Variants in TCF12 observed in about 807,000 individuals in gnomAD.
TCF12 encodes the protein DNA-binding protein HTF4.
In TCF12, 45 loss-of-function variants were observed where a neutral mutation model predicts 86.0. The ratio of observed to expected loss-of-function variants is 0.52; its 90% CI spans 0.41 to 0.67. The LOEUF (loss-of-function observed/expected upper bound fraction) is 0.67, where lower values mean the gene tolerates loss of function less well. Ranked by LOEUF, TCF12 falls within the 30% of genes least tolerant of loss-of-function variation. The pLI, the probability that TCF12 is intolerant of heterozygous loss-of-function variation, is 0.00. For synonymous variants in TCF12, 330 were observed against 299.6 expected, an observed-to-expected ratio of 1.10 and a Z score of -1.05; for missense variants, 881 against 859.9, an observed-to-expected ratio of 1.02 and a Z score of -0.31.
downstream of TCF12, chr15:57,289,897 G>A (rs1432336375): frequency 6.6e-6 from 1 of 152,030 alleles, no homozygotes; most frequent in Non-Finnish European, 1.5e-5. Flanking sequence ...AGAGGTAAAT[G>A]GTAAAATAAA....
chr15:56,939,223 A>G (rs1195601144), intron 3 of TCF12, among the ~76,000 whole-genome samples: 2 of 152,238 alleles, frequency 1.3e-5, no homozygotes, highest in Non-Finnish European at 2.9e-5. Context: ...TACATTGTAT[A>G]CAAATGTATA....
intron 4 of TCF12, among the ~76,000 whole-genome samples, chr15:57,067,218 G>C (rs560821110): frequency 1.2e-4 from 18 of 152,294 alleles, no homozygotes; most frequent in African/African-American, 4.3e-4. Context: ...GGTTTCGCTA[G>C]GTTGACATAA....
rs535580818 is a variant in TCF12, at chr15:57,090,792, C to A, written c.223-997C>A. Reference sequence around the variant, plus strand: ...TCGTATACGTTTTTCCGGTCTTTACCATGTTGGTTTTAGATTGGCAGAGAT... The same window carrying A: ...TCGTATACGTTTTTCCGGTCTTTACAATGTTGGTTTTAGATTGGCAGAGAT... On this transcript the variant is annotated intron_variant, in intron 4 of 20. Coordinates refer to ENST00000333725, the MANE Select transcript of TCF12 (RefSeq NM_207037.2). Among the ~76,000 whole-genome samples, 5 of 152,052 alleles carry A rather than the reference C, an allele frequency of 3.3e-5. No individual in the cohort carries two copies. In the South Asian group the frequency reaches 1.0e-3, roughly 32 times the overall value.
chr15:57,064,548 A>G (rs1409527124), intron 4 of TCF12, among the ~76,000 whole-genome samples: 1 of 152,156 alleles, frequency 6.6e-6, no homozygotes, highest in Non-Finnish European at 1.5e-5. Flanking sequence ...TAATCCCAGC[A>G]CTTTGGGAGG....
chr15:57,215,676 A>G (rs375393073), intron 8 of TCF12, among the ~76,000 whole-genome samples: 5 of 152,170 alleles, frequency 3.3e-5, no homozygotes, highest in Non-Finnish European at 7.4e-5. Flanking sequence ...TAACTGGCCT[A>G]TGTTAACTAA....
chr15:57,008,724 C>T (rs1387121537), intron 3 of TCF12, among the ~76,000 whole-genome samples: 1 of 152,112 alleles, frequency 6.6e-6, no homozygotes, highest in South Asian at 2.1e-4. Flanking sequence ...TCAAACATCC[C>T]ACAGCTGTAG....
At chr15:57,073,973 A>G (rs1318264395) in intron 4 of TCF12, among the ~76,000 whole-genome samples, 5 of 151,976 alleles carry the variant, frequency 3.3e-5, no homozygotes, top group African/African-American at 1.2e-4. Context: ...GATGGTCTCG[A>G]TCTCCTGACC....
At chr15:57,211,362 C>G (rs2058093520) in intron 8 of TCF12, among the ~76,000 whole-genome samples, 1 of 151,976 alleles carries the variant, frequency 6.6e-6, no homozygotes. Context: ...CCCAAGAGTT[C>G]AAGACCAGGC....
intron 5 of TCF12, among the ~76,000 whole-genome samples, chr15:57,137,378 TAATG>T (rs1426698857): frequency 6.6e-6 from 1 of 152,264 alleles, no homozygotes; most frequent in East Asian, 1.9e-4. Flanking sequence ...AAGGATGTAT[TAATG>T]AATAATGAAA....
chr15:57,245,695 C>A lies in TCF12; in HGVS notation c.1114+2145C>A, dbSNP rs933133524. On this transcript the variant is annotated intron_variant, in intron 13 of 20. Coordinates refer to ENST00000333725, the MANE Select transcript of TCF12 (RefSeq NM_207037.2). Reference sequence around the variant, plus strand: ...ACTAGTGGTCACAAGTAAAATCTTACATTTCCTCCTTCATCTTTATTTGAT... The same window carrying A: ...ACTAGTGGTCACAAGTAAAATCTTAAATTTCCTCCTTCATCTTTATTTGAT... 2.6e-5 allele frequency among the ~76,000 whole-genome samples: 4 copies of A among 152,312 alleles called. No individual in the cohort carries two copies. The East Asian group carries it at 7.7e-4, about 29-fold the overall frequency.
At chr15:57,045,297 C>T (rs576850123) in intron 3 of TCF12, among the ~76,000 whole-genome samples, 36 of 152,252 alleles carry the variant, frequency 2.4e-4, no homozygotes, top group Non-Finnish European at 4.0e-4. Flanking sequence ...TGGATTAATA[C>T]GTCAAATTCT....
At chr15:57,147,068 T>G (rs1297433509) in intron 5 of TCF12, among the ~76,000 whole-genome samples, 1 of 152,216 alleles carries the variant, frequency 6.6e-6, no homozygotes, top group African/African-American at 2.4e-5. Flanking sequence ...GGATATTCTA[T>G]TCATTTGGGA....
At chr15:57,030,315 T>C (rs1366890652) in intron 3 of TCF12, among the ~76,000 whole-genome samples, 4 of 152,210 alleles carry the variant, frequency 2.6e-5, no homozygotes, top group African/African-American at 9.6e-5. Context: ...GATAGCTCAC[T>C]GCAGCCTGAA....
intron 5 of TCF12, among the ~76,000 whole-genome samples, chr15:57,140,942 C>A (rs1182791051): frequency 6.6e-6 from 1 of 152,090 alleles, no homozygotes; most frequent in Non-Finnish European, 1.5e-5. Context: ...CTTTGAACAT[C>A]TCTAATAATG....
chr15:56,957,613 G>A (rs182980192), intron 3 of TCF12, among the ~76,000 whole-genome samples: 54 of 152,278 alleles, frequency 3.5e-4, no homozygotes, highest in African/African-American at 6.0e-4. Flanking sequence ...TATAGAGCAC[G>A]TAATAACTAA....
intron 3 of TCF12, among the ~76,000 whole-genome samples, chr15:56,960,214 TAA>T (rs1402920453): frequency 6.6e-6 from 1 of 152,216 alleles, no homozygotes; most frequent in Admixed American, 6.5e-5. Context: ...AATGGTGAGA[TAA>T]ATTTCTTTTT....
chr15:57,086,700 C>T (rs1487510381), intron 4 of TCF12, among the ~76,000 whole-genome samples: 1 of 46,566 alleles, frequency 2.1e-5, no homozygotes, highest in East Asian at 4.6e-4. Context: ...CTCTTTCCCT[C>T]CCTTTAAAAA....
intron 13 of TCF12, chr15:57,247,038 T>C: frequency 1.8e-6 from 1 of 550,638 alleles, no homozygotes; most frequent in Middle Eastern, 3.0e-4. Context: ...AGTGCCCCCT[T>C]TCATGGGTTC....
chr15:57,096,133 C>G (rs559384560), intron 5 of TCF12, among the ~76,000 whole-genome samples: 2 of 152,256 alleles, frequency 1.3e-5, no homozygotes, highest in East Asian at 3.9e-4. Flanking sequence ...TATGGAGACA[C>G]TGATCTTGAT....
Sources: gnomAD v4.1 joint callset for allele counts (sites outside exome capture counted in the v4.1 genomes callset) on GRCh38, gnomAD v4.1.1 for gene constraint, MANE v1.5 for transcripts, NCBI Gene and HGNC (gene_info 2026-07-23, HGNC 2026-07-21) for gene names.